U2SURP: variants seen among roughly 807,000 people sequenced by gnomAD.
U2SURP encodes the protein U2 snRNP-associated SURP motif-containing protein.
In U2SURP, 9 loss-of-function variants were observed where a neutral mutation model predicts 144.9. That is an observed-to-expected ratio of 0.06 (90% CI 0.04 to 0.11). The LOEUF (loss-of-function observed/expected upper bound fraction) is 0.11, where lower values mean the gene tolerates loss of function less well. U2SURP is among the 10% of genes least tolerant of loss of function. The pLI is 1.00. For missense variants in U2SURP, 724 were observed against 1,226.7 expected (o/e 0.59, Z 6.12); for synonymous variants, 408 against 396.8 (o/e 1.03, Z -0.33).
At chr3:143,002,488 G>A (rs1224915790) in intron 1 of U2SURP, 1 of 152,232 alleles carries the variant, frequency 6.6e-6, no homozygotes, top group Non-Finnish European at 1.5e-5. Context: ...GCCATCTTGG[G>A]CGGGACATTT....
chr3:143,037,453 T>C (rs1286801506), intron 21 of U2SURP, 118 bp downstream of exon 21: 5 of 949,448 alleles, frequency 5.3e-6, no homozygotes, highest in Admixed American at 5.8e-5. Context: ...TATCAAGTTA[T>C]TAACTTTTCT....
At chr3:143,003,463 C>G (rs1277550433) in intron 1 of U2SURP, among the ~76,000 whole-genome samples, 1 of 152,028 alleles carries the variant, frequency 6.6e-6, no homozygotes, top group Non-Finnish European at 1.5e-5. Flanking sequence ...AGATATAATT[C>G]TTTTTTTACA....
At position 143,020,624 on chromosome 3, in the gene U2SURP, C is replaced by T. The variant is rs1936583474; in HGVS notation, c.664C>T (p.His222Tyr). ...KQIQEERDER[H>Y]KTKGRLSRFE... is the part of the protein sequence containing the mutation. Reference sequence around the variant, plus strand: ...AATTCAAGAGGAACGTGATGAGAGACATAAAACAAAAGGCAGATTAAGTCG... The same window carrying T: ...AATTCAAGAGGAACGTGATGAGAGATATAAAACAAAAGGCAGATTAAGTCG... The change falls in exon 8 of 28, where the codon CAT becomes TAT. Residue 222 changes from histidine (H) to tyrosine (Y), a missense_variant. His to Tyr is a moderately conservative substitution (Grantham distance 83). Around this residue, in one of 13 missense-constraint regions of U2SURP, gnomAD observed 115 missense variants for 258.1 expected, o/e 0.45. Coordinates refer to ENST00000473835, the MANE Select transcript of U2SURP (RefSeq NM_001080415.2). 6.2e-7 allele frequency: 1 copy of T among 1,612,300 alleles called. No homozygotes were observed. The highest frequency in any genetic ancestry group is 1.3e-5 in the African/African-American group (1 of 74,906).
intron 23 of U2SURP, among the ~76,000 whole-genome samples, chr3:143,042,841 A>G (rs1193329639): frequency 1.3e-5 from 2 of 152,208 alleles, no homozygotes; most frequent in African/African-American, 4.8e-5. Flanking sequence ...TTTGTTGCAA[A>G]TGGAAGGCAC....
intron 6 of U2SURP, among the ~76,000 whole-genome samples, chr3:143,018,522 C>CT (rs1001515260): frequency 6.6e-6 from 1 of 151,938 alleles, no homozygotes; most frequent in Non-Finnish European, 1.5e-5. Flanking sequence ...CATGTGTGGG[C>CT]TTTTTTTGTG....
chr3:143,012,251 T>A lies in U2SURP; in HGVS notation c.120T>A (p.Asp40Glu). The A allele has an allele frequency of 6.2e-7, 1 of 1,613,250 alleles. No individual in the cohort carries two copies. Among genetic ancestry groups the A allele is most frequent in the Non-Finnish European group, 8.5e-7 (1 of 1,179,476 alleles). ...HMDASGPSDS[D>E]MPSRTRPKSP... ...ATGCATCTGGACCCTCAGATAGTGA[T>A]ATGCCAAGTCGGACACGACCTAAGA... Residue 40 changes from aspartate (D) to glutamate (E), a missense_variant, in exon 3 of 28, where the codon GAT becomes GAA. Physicochemically the swap from Asp to Glu is conservative, Grantham distance 45 (BLOSUM62 2). Transcript: ENST00000473835.
chr3:143,037,267 C>T lies in U2SURP; in HGVS notation c.2153C>T (p.Ala718Val). 1 of 1,612,512 alleles carries T rather than the reference C, an allele frequency of 6.2e-7. No homozygotes were observed. The highest frequency in any genetic ancestry group is 8.5e-7 in the Non-Finnish European group (1 of 1,179,184). The change falls in exon 21 of 28, where the codon GCT (alanine) becomes GTT (valine). Residue 718 changes from alanine to valine, a missense_variant. Ala to Val is a moderately conservative substitution (Grantham distance 64). Coordinates refer to ENST00000473835, the MANE Select transcript of U2SURP (RefSeq NM_001080415.2). ...LEDVDGIPID[A>V]TPIDDLDGVP... is the part of the protein sequence containing the mutation. ...GATGTAGATGGAATTCCTATTGATGCTACTCCCATCGATGATCTTGATGGA... is the reference window on the plus strand; with the variant it reads ...GATGTAGATGGAATTCCTATTGATGTTACTCCCATCGATGATCTTGATGGA...
Position 143,042,018 on chromosome 3 carries a change from T to TA in U2SURP, c.2385-1092dup, listed in dbSNP as rs546427214. 2.5e-3 allele frequency among the ~76,000 whole-genome samples: 379 copies of TA among 152,050 alleles called. 4 individuals carry two copies. Among genetic ancestry groups the TA allele is most frequent in the African/African-American group, 7.9e-3 (329 of 41,490 alleles). ...ACCCAGTCTCAGAATGTATTTTTTTTAAAAAAACCATTTGTTCTTTGTGCT... is the reference window on the plus strand; with the variant it reads ...ACCCAGTCTCAGAATGTATTTTTTTTAAAAAAAACCATTTGTTCTTTGTGCT... On this transcript the variant is annotated intron_variant, in intron 23 of 27. Transcript: ENST00000473835.
chr3:143,023,846 G>C lies in U2SURP; in HGVS notation c.1231-129G>C, dbSNP rs1932974955. 3.1e-5 allele frequency: 24 copies of C among 772,302 alleles called. No homozygotes were observed. The South Asian group carries it at 3.7e-4, about 12-fold the overall frequency. 47.8% of individuals were successfully genotyped at this position (772,302 alleles called of 1,614,324 possible). On this transcript the variant is annotated intron_variant, in intron 12 of 27. Transcript: ENST00000473835. ...TGCTTAGTGTATAATGACTTCAAAT[G>C]CAGTGATTGCCTGCAAAACTTGTGA...
In U2SURP at chr3:143,038,879, T is replaced by C. The variant is rs891440104; in HGVS notation, c.2318-15T>C. ...TTACCTCGTGGAATTACATCCTCCT[T>C]TTCCTTTCATTCAGCTGTTACAACT... On this transcript the variant is annotated splice_polypyrimidine_tract_variant and intron_variant, in intron 22 of 27. Coordinates refer to ENST00000473835, the MANE Select transcript of U2SURP (RefSeq NM_001080415.2). 6.5e-7 allele frequency: 1 copy of C among 1,532,216 alleles called. No individual in the cohort carries two copies. The highest frequency in any genetic ancestry group is 8.8e-7 in the Non-Finnish European group (1 of 1,139,898). 94.9% of individuals were successfully genotyped at this position (1,532,216 alleles called of 1,614,324 possible). A position where few individuals can be genotyped will look rare whatever the true frequency, so the allele number is the denominator to read the frequency against.
chr3:143,034,786 G>A (rs1933719878), intron 18 of U2SURP, 102 bp from the exon 19 acceptor site: 1 of 673,048 alleles, frequency 1.5e-6, no homozygotes, highest in Non-Finnish European at 2.5e-6. Flanking sequence ...TTCTTGATTT[G>A]TAAGTATTTT....
intron 25 of U2SURP, among the ~76,000 whole-genome samples, chr3:143,052,115 A>G (rs921870485): frequency 6.6e-6 from 1 of 152,212 alleles, no homozygotes; most frequent in African/African-American, 2.4e-5. Flanking sequence ...GGCTGGGCGC[A>G]GTTGCTCACG....
At chr3:143,042,799 T>A (rs1934187955) in intron 23 of U2SURP, among the ~76,000 whole-genome samples, 1 of 152,168 alleles carries the variant, frequency 6.6e-6, no homozygotes, top group African/African-American at 2.4e-5. Context: ...AGAAACTTGA[T>A]TATTCGTTTC....
intron 24 of U2SURP, among the ~76,000 whole-genome samples, chr3:143,049,010 T>G: frequency 6.6e-6 from 1 of 150,526 alleles, no homozygotes; most frequent in African/African-American, 2.5e-5. Flanking sequence ...ATCCCAGCAG[T>G]TTGGGAGGCC....
In U2SURP at chr3:143,012,339, C is replaced by A. The variant is rs749377295; in HGVS notation, c.208C>A (p.Gln70Lys). ...ARESLCDSPH[Q>K]NLSRPLLENK... ...TGAAAGCCTTTGTGATTCTCCTCATCAGAATCTCTCAAGAGTGAGTATAGA... is the reference window on the plus strand; with the variant it reads ...TGAAAGCCTTTGTGATTCTCCTCATAAGAATCTCTCAAGAGTGAGTATAGA... Residue 70 changes from glutamine to lysine, a missense_variant, in exon 3 of 28, where the codon CAG becomes AAG. Transcript: ENST00000473835. The A allele has an allele frequency of 3.1e-6, 5 of 1,611,288 alleles. No homozygotes were observed. The highest frequency in any genetic ancestry group is 4.2e-6 in the Non-Finnish European group (5 of 1,178,572).
intron 24 of U2SURP, among the ~76,000 whole-genome samples, chr3:143,048,741 T>C (rs1934677823): frequency 6.8e-6 from 1 of 147,282 alleles, no homozygotes; most frequent in Admixed American, 6.7e-5. Context: ...GTACTAAAAA[T>C]ACAAAAATTA....
intron 9 of U2SURP, 32 bp from the exon 10 acceptor site, chr3:143,021,441 A>G: frequency 6.2e-7 from 1 of 1,611,574 alleles, no homozygotes. Context: ...TATGTTTTGC[A>G]GGTTATAATT....
rs1322196609 is a variant in U2SURP at position 143,059,914 on chromosome 3, C to T, written c.*3464C>T. 6.6e-6 allele frequency: 1 copy of T among 152,294 alleles called. No individual in the cohort carries two copies. The highest frequency in any genetic ancestry group is 1.5e-5 in the Non-Finnish European group (1 of 67,844). 9.4% of individuals were successfully genotyped at this position (152,294 alleles called of 1,614,324 possible). The stretch of plus-strand genomic sequence containing the variant: ...AATAGATTTTAGGGAGTGTTTAATT[C>T]ATTATCCTTTTGACTTAAAATTTTT... On this transcript the variant is annotated 3_prime_UTR_variant, in exon 28 of 28. Transcript: ENST00000473835.
intron 1 of U2SURP, among the ~76,000 whole-genome samples, chr3:143,007,641 C>T (rs559872737): frequency 3.3e-5 from 5 of 152,014 alleles, no homozygotes; most frequent in Non-Finnish European, 7.4e-5. Flanking sequence ...CGGGATTTTG[C>T]TGTGTTAGCC....
Sources: gnomAD v4.1 joint callset for allele counts (sites outside exome capture counted in the v4.1 genomes callset) on GRCh38, gnomAD v4.1.1 for gene constraint, gnomAD v4.1.1 regional missense constraint, MANE v1.5 for transcripts, NCBI Gene and HGNC (gene_info 2026-07-23, HGNC 2026-07-21) for gene names.